The following MYO10 variants were observed in gnomAD, a reference collection of about 807,000 sequenced individuals.
MYO10 encodes the protein myosin X, also known as unconventional myosin-X.
Under a neutral mutation model 257.3 loss-of-function variants are expected in MYO10, and 133 were observed. That is an observed-to-expected ratio of 0.52 (90% CI 0.45 to 0.60). MYO10 has a LOEUF of 0.60. MYO10 is among the 20% of genes least tolerant of loss of function. The pLI, the probability that MYO10 is intolerant of heterozygous loss-of-function variation, is 0.00. For missense variants in MYO10, 2,399 were observed against 2,635.7 expected (o/e 0.91, Z 1.97); for synonymous variants, 1,104 against 1,028.6 (o/e 1.07, Z -1.40).
Position 16,670,955 on chromosome 5 carries a change from G to A in MYO10, c.5454C>T (p.Gly1818=), listed in dbSNP as rs1305216017. ...GGTTTTCTTCCGGGGCTGGATGGTG[G>A]CCATGGATAACCGCTTCGTGGGCCT... ...FEQAHEAVIH[G]HHPAPEENLQ... Residue 1818 remains glycine (G), a synonymous_variant, in exon 39 of 41, where the codon GGC becomes GGT. Transcript: ENST00000513610. 4.3e-6 allele frequency: 7 copies of A among 1,611,086 alleles called. No individual in the cohort carries two copies. The East Asian group carries it at 1.6e-4, about 36-fold the overall frequency.
intron 19 of MYO10, among the ~76,000 whole-genome samples, chr5:16,713,955 T>C (rs907093122): frequency 2.0e-5 from 3 of 152,034 alleles, no homozygotes; most frequent in African/African-American, 7.2e-5. Context: ...TAGGTTGGAG[T>C]TTGGAAGAAA....
intron 2 of MYO10, among the ~76,000 whole-genome samples, chr5:16,853,093 G>T (rs908487434): frequency 6.6e-6 from 1 of 152,144 alleles, no homozygotes; most frequent in Non-Finnish European, 1.5e-5. Flanking sequence ...TATGTTGGCC[G>T]GGCGCGGCGG....
rs530009362 is a variant in MYO10, at chr5:16,764,523, A to G, written c.1180-127T>C. 20 of 909,560 alleles carry G rather than the reference A, an allele frequency of 2.2e-5. No homozygotes were observed. The African/African-American group carries it at 2.3e-4, about 11-fold the overall frequency. 56.3% of individuals were successfully genotyped at this position (909,560 alleles called of 1,614,324 possible). A position where few individuals can be genotyped will look rare whatever the true frequency, so the allele number is the denominator to read the frequency against. On this transcript the variant is annotated intron_variant, in intron 11 of 40. Transcript: ENST00000513610. ...CATCTGGCCCTCCAGTGTGAAGTCAATCGATCTCATCTAGGAAAGGACAGA... is the reference window on the plus strand; with the variant it reads ...CATCTGGCCCTCCAGTGTGAAGTCAGTCGATCTCATCTAGGAAAGGACAGA...
chr5:16,917,225 G>A (rs966904707), intron 1 of MYO10, among the ~76,000 whole-genome samples: 7 of 152,022 alleles, frequency 4.6e-5, no homozygotes, highest in Admixed American at 3.9e-4. Flanking sequence ...CACACACCCC[G>A]AAGAGTACAC....
Position 16,935,858 on chromosome 5 carries a change from G to C in MYO10, c.-50C>G, listed in dbSNP as rs373709256. On this transcript the variant is annotated 5_prime_UTR_variant, in exon 1 of 41. Coordinates refer to ENST00000513610, the MANE Select transcript of MYO10 (RefSeq NM_012334.3). The stretch of plus-strand genomic sequence containing the variant: ...CCGAGTGCCGCTCCGACTCGCGGAA[G>C]TCAGCGCCGCCGCGGGTCCGGGGAA... 2.1e-5 allele frequency: 34 copies of C among 1,607,462 alleles called. No homozygotes were observed. In the African/African-American group the frequency reaches 3.3e-4, roughly 16 times the overall value.
chr5:16,777,746 G>A (rs147848617), intron 9 of MYO10, among the ~76,000 whole-genome samples: 1 of 150,144 alleles, frequency 6.7e-6, no homozygotes, highest in East Asian at 2.0e-4. Context: ...TAAACTCCAT[G>A]TGAAGTTCAT....
At chr5:16,916,290 G>A (rs189532269) in intron 1 of MYO10, 17 of 354,642 alleles carry the variant, frequency 4.8e-5, no homozygotes, top group East Asian at 1.5e-4. Context: ...TATCCCATTC[G>A]GAGTTCTGAG....
At chr5:16,735,370 A>G (rs4702170) in intron 19 of MYO10, among the ~76,000 whole-genome samples, 8,496 of 152,188 alleles carry the variant, frequency 0.056, 544 homozygotes, top group African/African-American at 0.14. Flanking sequence ...TTACACGAGA[A>G]AACCGTGGGA....
intron 19 of MYO10, among the ~76,000 whole-genome samples, chr5:16,725,700 A>T (rs1430024703): frequency 6.6e-6 from 1 of 151,878 alleles, no homozygotes; most frequent in East Asian, 1.9e-4. Flanking sequence ...ATTAATTAGC[A>T]TTTTCATTAA....
At chr5:16,860,999 C>G (rs1432426003) in intron 2 of MYO10, among the ~76,000 whole-genome samples, 2 of 152,122 alleles carry the variant, frequency 1.3e-5, no homozygotes, top group Non-Finnish European at 2.9e-5. Context: ...TAGTTCTGAA[C>G]CTGGTTGCTC....
At chr5:16,918,717 T>C (rs1580150233) in intron 1 of MYO10, among the ~76,000 whole-genome samples, 1 of 151,906 alleles carries the variant, frequency 6.6e-6, no homozygotes, top group East Asian at 1.9e-4. Flanking sequence ...GTCAGGCTGG[T>C]CTCAAACTCC....
At chr5:16,913,803 ACAGGC>A (rs1049206480) in intron 1 of MYO10, among the ~76,000 whole-genome samples, 1 of 152,200 alleles carries the variant, frequency 6.6e-6, no homozygotes, top group Non-Finnish European at 1.5e-5. Flanking sequence ...TCCAAGAACA[ACAGGC>A]CAGGCAAAGA....
At position 16,670,635 on chromosome 5, in the gene MYO10, A is replaced by C. The variant is rs370105389; in HGVS notation, c.5774T>G (p.Ile1925Ser). The C allele has an allele frequency of 1.1e-5, 17 of 1,613,866 alleles. No homozygotes were observed. The African/African-American group carries it at 2.3e-4, about 22-fold the overall frequency. Residue 1925 changes from isoleucine (I) to serine (S), a missense_variant, in exon 39 of 41, where the codon ATT (isoleucine) becomes AGT (serine). This residue lies in a region of MYO10 where 1,820 missense variants were observed against 1,939.4 expected (regional missense o/e 0.94). Transcript: ENST00000513610. ...TCCCTGAAATTTCCTCCACTTGTCA[A>C]TGATACTGGCTCGAGCAGAGGAGAC... ...EEVSSARASI[I>S]DKWRKFQGMN...
Position 16,666,528 on chromosome 5 carries a change from G to A in MYO10, c.*164C>T, listed in dbSNP as rs1256985749. 3 of 593,158 alleles carry A rather than the reference G, an allele frequency of 5.1e-6. No individual in the cohort carries two copies. Among genetic ancestry groups the A allele is most frequent in the Non-Finnish European group, 8.9e-6 (3 of 335,942 alleles). 36.7% of individuals were successfully genotyped at this position (593,158 alleles called of 1,614,324 possible). On this transcript the variant is annotated 3_prime_UTR_variant, in exon 41 of 41. Coordinates refer to ENST00000513610, the MANE Select transcript of MYO10 (RefSeq NM_012334.3). ...ACAGCTTAATACAGGATCAATGAAG[G>A]CGGCAGGCAAAAGGATCCTCGGAGA...
intron 17 of MYO10, 137 bp downstream of exon 17, chr5:16,761,327 T>C (rs1256353706): frequency 4.4e-6 from 3 of 685,910 alleles, no homozygotes; most frequent in Admixed American, 5.1e-5. Context: ...AGTTACTTCA[T>C]TGATGAAGTA....
chr5:16,783,150 G>A (rs534093534), intron 5 of MYO10, among the ~76,000 whole-genome samples, 185 bp downstream of exon 5: 1 of 152,338 alleles, frequency 6.6e-6, no homozygotes, highest in Admixed American at 6.5e-5. Context: ...GCAGGAGGCA[G>A]AAGGAGTTGT....
intron 1 of MYO10, among the ~76,000 whole-genome samples, chr5:16,913,485 G>A (rs559974049): frequency 2.6e-5 from 4 of 152,260 alleles, no homozygotes; most frequent in South Asian, 2.1e-4. Flanking sequence ...CCCTGGTATC[G>A]CAGAATTTCC....
intron 1 of MYO10, among the ~76,000 whole-genome samples, chr5:16,898,376 C>A (rs1745271619): frequency 6.6e-6 from 1 of 151,238 alleles, no homozygotes; most frequent in Admixed American, 6.6e-5. Context: ...AGCTAACTGG[C>A]ATTCTTTTTT....
chr5:16,933,146 T>C (rs1288360237), intron 1 of MYO10, among the ~76,000 whole-genome samples: 1 of 152,182 alleles, frequency 6.6e-6, no homozygotes, highest in Non-Finnish European at 1.5e-5. Flanking sequence ...GCTTCACAGG[T>C]CTAGCTCAGT....
Sources: gnomAD v4.1 joint callset for allele counts (sites outside exome capture counted in the v4.1 genomes callset) on GRCh38, gnomAD v4.1.1 for gene constraint, gnomAD v4.1.1 regional missense constraint, MANE v1.5 for transcripts, NCBI Gene and HGNC (gene_info 2026-07-23, HGNC 2026-07-21) for gene names.